The following PPA1 variants were observed in gnomAD, a reference collection of about 807,000 sequenced individuals.
PPA1 encodes the protein inorganic pyrophosphatase.
Under a neutral mutation model 41.8 loss-of-function variants are expected in PPA1, and 23 were observed. The ratio of observed to expected loss-of-function variants is 0.55; its 90% CI spans 0.40 to 0.78. The LOEUF is 0.78. Ranked by LOEUF, PPA1 falls within the 30% of genes least tolerant of loss-of-function variation. PPA1 has a pLI of 0.00. For missense variants in PPA1, 320 were observed against 361.6 expected (o/e 0.89, Z 0.93); for synonymous variants, 101 against 116.8 (o/e 0.86, Z 0.87).
intron 2 of PPA1, among the ~76,000 whole-genome samples, chr10:70,219,137 A>C (rs757091378): frequency 1.7e-4 from 26 of 152,174 alleles, no homozygotes; most frequent in Non-Finnish European, 3.2e-4. Context: ...TCCTGGCCTC[A>C]AGTGATCCTC....
chr10:70,218,758 T>A lies in PPA1; in HGVS notation c.177+6A>T, dbSNP rs757083686. The A allele has an allele frequency of 2.5e-6, 4 of 1,601,732 alleles. No individual in the cohort carries two copies. Among genetic ancestry groups the A allele is most frequent in the Non-Finnish European group, 2.6e-6 (3 of 1,169,128 alleles). On this transcript the variant is annotated splice_donor_region_variant and intron_variant, in intron 3 of 10. Transcript: ENST00000373232. ...AGTCTGACTCAAATGTAAGGTGAAA[T>A]ATTACCTCCATTTTTGCATTAGACC...
chr10:70,218,044 A>T, intron 3 of PPA1, 113 bp from the exon 4 acceptor site: 1 of 999,114 alleles, frequency 1.0e-6, no homozygotes, highest in Admixed American at 3.0e-5. Context: ...CTTTAATGAT[A>T]TATTTTATCC....
chr10:70,224,189 T>C (rs1290703466), intron 2 of PPA1, among the ~76,000 whole-genome samples: 8 of 2,838 alleles, frequency 2.8e-3, no homozygotes, highest in Middle Eastern at 0.059. Flanking sequence ...GGCAAGAGGA[T>C]TGCTTAGACT....
chr10:70,223,827 T>C (rs945627599), intron 2 of PPA1, among the ~76,000 whole-genome samples: 10 of 152,218 alleles, frequency 6.6e-5, no homozygotes, highest in African/African-American at 2.2e-4. Context: ...TAATCCCAAC[T>C]GGTTTCAGCT....
In PPA1 at chr10:70,203,192, T is replaced by C. The variant is rs371135754; in HGVS notation, c.839-6A>G. 41 of 1,605,528 alleles carry C rather than the reference T, an allele frequency of 2.6e-5. No individual in the cohort carries two copies. Among genetic ancestry groups the C allele is most frequent in the Non-Finnish European group, 3.4e-5 (40 of 1,174,960 alleles). ...GTGATGGAACCACTTATCCACTGTA[T>C]TCAGAGAAAAGAAAAACAAATTAGA... On this transcript the variant is annotated splice_polypyrimidine_tract_variant and splice_region_variant and intron_variant, in intron 10 of 10. Coordinates refer to ENST00000373232, the MANE Select transcript of PPA1 (RefSeq NM_021129.4).
At chr10:70,216,944 C>A (rs910868685) in intron 4 of PPA1, among the ~76,000 whole-genome samples, 2 of 152,112 alleles carry the variant, frequency 1.3e-5, no homozygotes, top group Admixed American at 1.3e-4. Context: ...CCAAGGCAGG[C>A]GGATCACAGG....
chr10:70,222,432 A>T (rs1412102455), intron 2 of PPA1, among the ~76,000 whole-genome samples: 1 of 152,096 alleles, frequency 6.6e-6, no homozygotes. Flanking sequence ...TTTTTCAACA[A>T]ATATTTGTTG....
chr10:70,232,876 C>T (rs1194928935), intron 1 of PPA1, among the ~76,000 whole-genome samples: 1 of 151,982 alleles, frequency 6.6e-6, no homozygotes, highest in Non-Finnish European at 1.5e-5. Flanking sequence ...CCGGAGTCGC[C>T]TTTTCTCCAA....
At chr10:70,213,087 G>A (rs544924414) in intron 6 of PPA1, among the ~76,000 whole-genome samples, 4 of 152,308 alleles carry the variant, frequency 2.6e-5, no homozygotes, top group African/African-American at 9.6e-5. Flanking sequence ...TTAGAGAGTG[G>A]TGATGGTTGT....
chr10:70,230,254 A>T, intron 2 of PPA1, 87 bp downstream of exon 2: 1 of 1,453,392 alleles, frequency 6.9e-7, no homozygotes, highest in South Asian at 1.2e-5. Context: ...CATTTTAAGC[A>T]CTTGTTGAGA....
intron 6 of PPA1, chr10:70,210,242 A>G (rs576163598): frequency 4.1e-5 from 21 of 515,274 alleles, no homozygotes; most frequent in South Asian, 3.0e-4. Context: ...ACGCCCAGCT[A>G]ATTTTTAAAT....
chr10:70,216,437 A>C (rs1204940021), intron 4 of PPA1, among the ~76,000 whole-genome samples: 2 of 152,060 alleles, frequency 1.3e-5, no homozygotes, highest in Middle Eastern at 3.2e-3. Flanking sequence ...CAGTGAGCCA[A>C]GACTGCGCCA....
At chr10:70,215,713 T>A (rs1840072365) in intron 4 of PPA1, among the ~76,000 whole-genome samples, 1 of 152,200 alleles carries the variant, frequency 6.6e-6, no homozygotes, top group Non-Finnish European at 1.5e-5. Context: ...ACTCCTGACC[T>A]CAGGTGATCC....
chr10:70,204,053 A>T (rs574275231), intron 10 of PPA1: 1 of 152,472 alleles, frequency 6.6e-6, no homozygotes, highest in East Asian at 1.9e-4. Context: ...AAAAATATGT[A>T]CGTGGCTGCG....
intron 2 of PPA1, among the ~76,000 whole-genome samples, chr10:70,219,297 T>C (rs1840110097): frequency 6.6e-6 from 1 of 152,212 alleles, no homozygotes; most frequent in African/African-American, 2.4e-5. Context: ...AAGGAAACAG[T>C]TCTTAAATAA....
In PPA1 at chr10:70,221,094, T is replaced by C. The variant is rs1456354174; in HGVS notation, c.124-2277A>G. ...TATATATATTTTTTTTTTTTTTTTT[T>C]TGTAGAGATGGAGCTTTGCCATGTT... On this transcript the variant is annotated intron_variant, in intron 2 of 10. Coordinates refer to ENST00000373232, the MANE Select transcript of PPA1 (RefSeq NM_021129.4). Among the ~76,000 whole-genome samples, 130 of 66,980 alleles carry C rather than the reference T, an allele frequency of 1.9e-3. 7 individuals are homozygous for C. Among genetic ancestry groups the C allele is most frequent in the African/African-American group, 7.9e-3 (124 of 15,710 alleles). The allele number at this position is 66,980 out of a possible 152,430, so 43.9% of individuals were successfully genotyped here. A position where few individuals can be genotyped will look rare whatever the true frequency, so the allele number is the denominator to read the frequency against.
intron 2 of PPA1, among the ~76,000 whole-genome samples, chr10:70,219,495 C>T (rs898389716): frequency 1.3e-5 from 2 of 152,122 alleles, no homozygotes; most frequent in Non-Finnish European, 2.9e-5. Context: ...AAGACGAACC[C>T]CACATCAGCC....
chr10:70,209,819 G>T (rs994368560), intron 6 of PPA1, 134 bp from the exon 7 acceptor site: 1 of 1,051,892 alleles, frequency 9.5e-7, no homozygotes, highest in Non-Finnish European at 1.4e-6. Context: ...TGAAAGAGCT[G>T]TGGAATGACT....
intron 6 of PPA1, among the ~76,000 whole-genome samples, chr10:70,212,783 A>C (rs1648241950): frequency 6.6e-6 from 1 of 151,984 alleles, no homozygotes; most frequent in African/African-American, 2.4e-5. Context: ...TTCACACTTT[A>C]ATTAAAATGG....
Sources: gnomAD v4.1 joint callset for allele counts (sites outside exome capture counted in the v4.1 genomes callset) on GRCh38, gnomAD v4.1.1 for gene constraint, MANE v1.5 for transcripts, NCBI Gene and HGNC (gene_info 2026-07-23, HGNC 2026-07-21) for gene names.